The following SERPINI1 variants were observed in gnomAD, a reference collection of about 807,000 sequenced individuals.
SERPINI1 encodes the protein serpin family I member 1, also known as neuroserpin.
A neutral mutation model predicts 41.1 loss-of-function variants in SERPINI1; 19 were observed. That is an observed-to-expected ratio of 0.46 (90% CI 0.32 to 0.68). SERPINI1 has a LOEUF of 0.68. Among genes scored for constraint, SERPINI1 ranks in the 30% least tolerant of loss-of-function variants. SERPINI1 has a pLI of 0.03. For synonymous variants in SERPINI1, 138 were observed against 156.6 expected, an observed-to-expected ratio of 0.88 and a Z score of 0.89; for missense variants, 460 against 479.2, an observed-to-expected ratio of 0.96 and a Z score of 0.37.
At chr3:167,820,681 G>A (rs554409095) in intron 6 of SERPINI1, among the ~76,000 whole-genome samples, 1 of 152,168 alleles carries the variant, frequency 6.6e-6, no homozygotes, top group Non-Finnish European at 1.5e-5. Flanking sequence ...TGCAGGCGCC[G>A]CTCAGCACGG....
intron 1 of SERPINI1, among the ~76,000 whole-genome samples, chr3:167,740,740 A>G (rs1360868347): frequency 1.3e-5 from 2 of 152,290 alleles, no homozygotes; most frequent in East Asian, 3.9e-4. Flanking sequence ...GTGTGCGTGC[A>G]TGGGCGCATG....
At chr3:167,763,357 TTGTGTG>T (rs35578479) in intron 1 of SERPINI1, among the ~76,000 whole-genome samples, 2 of 147,638 alleles carry the variant, frequency 1.4e-5, no homozygotes, top group Non-Finnish European at 1.5e-5. Context: ...AACCACAGTT[TTGTGTG>T]TGTGTGTGTG....
chr3:167,806,488 T>TA (rs576427944), intron 5 of SERPINI1, among the ~76,000 whole-genome samples: 6 of 150,024 alleles, frequency 4.0e-5, no homozygotes, highest in East Asian at 3.9e-4. Context: ...GAACTTAAAG[T>TA]AAAAAAAAAA....
chr3:167,744,689 A>AAT (rs1217363215), intron 1 of SERPINI1, among the ~76,000 whole-genome samples: 3 of 80,442 alleles, frequency 3.7e-5, no homozygotes, highest in African/African-American at 1.8e-4. Flanking sequence ...TATATATATA[A>AAT]ACATATATAA....
intron 6 of SERPINI1, among the ~76,000 whole-genome samples, chr3:167,821,262 CAAG>C (rs1008763292): frequency 1.3e-5 from 2 of 152,094 alleles, no homozygotes; most frequent in African/African-American, 2.4e-5. Context: ...TTGTAGGCAG[CAAG>C]AAGGAGAGAA....
chr3:167,759,400 G>GTATA lies in SERPINI1; in HGVS notation c.-19+23595_-19+23598dup, dbSNP rs71753556. On this transcript the variant is annotated intron_variant, in intron 1 of 8. Transcript: ENST00000446050. ...ATCAACATTGGATAAAGAAAATGTGGTATATATATATATATATATATGCGC... is the reference window on the plus strand; with the variant it reads ...ATCAACATTGGATAAAGAAAATGTGGTATATATATATATATATATATATATGCGC... 5.2e-3 allele frequency among the ~76,000 whole-genome samples: 633 copies of GTATA among 121,114 alleles called. 39 individuals are homozygous for GTATA. The highest frequency in any genetic ancestry group is 0.012 in the African/African-American group (404 of 32,910). The allele number at this position is 121,114 out of a possible 152,430, so 79.5% of individuals were successfully genotyped here.
chr3:167,764,018 T>TTCA (rs1553772128), intron 1 of SERPINI1, among the ~76,000 whole-genome samples: 4 of 151,608 alleles, frequency 2.6e-5, no homozygotes, highest in African/African-American at 7.3e-5. Flanking sequence ...GATCTAAATC[T>TTCA]TAACTCACTC....
intron 3 of SERPINI1, among the ~76,000 whole-genome samples, chr3:167,791,468 C>G (rs1419857853): frequency 1.3e-5 from 2 of 151,962 alleles, no homozygotes; most frequent in East Asian, 3.9e-4. Flanking sequence ...AAATTTTTGT[C>G]ATATGTTTTT....
At chr3:167,783,366 G>A (rs1727204572) in intron 1 of SERPINI1, among the ~76,000 whole-genome samples, 1 of 152,176 alleles carries the variant, frequency 6.6e-6, no homozygotes, top group Non-Finnish European at 1.5e-5. Flanking sequence ...TGATTGATAA[G>A]ATAAGGAGTC....
intron 1 of SERPINI1, among the ~76,000 whole-genome samples, chr3:167,737,602 C>G (rs956152703): frequency 6.6e-6 from 1 of 152,102 alleles, no homozygotes; most frequent in East Asian, 1.9e-4. Context: ...ACTACTAATT[C>G]ATTTTGTAAA....
At chr3:167,761,601 A>G (rs1244261338) in intron 1 of SERPINI1, among the ~76,000 whole-genome samples, 22 of 152,184 alleles carry the variant, frequency 1.4e-4, no homozygotes, top group Non-Finnish European at 2.9e-5. Flanking sequence ...GATAGCTTTC[A>G]TTGCTTATAA....
At chr3:167,775,390 T>A (rs1560003743) in intron 1 of SERPINI1, among the ~76,000 whole-genome samples, 1 of 151,332 alleles carries the variant, frequency 6.6e-6, no homozygotes, top group African/African-American at 2.4e-5. Context: ...GCCTCCAGAG[T>A]AGCTGGGATT....
Position 167,769,787 on chromosome 3 carries a change from A to G in SERPINI1, c.-18-19324A>G, listed in dbSNP as rs545201137. Among the ~76,000 whole-genome samples the G allele has an allele frequency of 6.6e-5, 10 of 152,138 alleles. No individual in the cohort carries two copies. In the East Asian group the frequency reaches 1.2e-3, roughly 18 times the overall value. On this transcript the variant is annotated intron_variant, in intron 1 of 8. Transcript: ENST00000446050. ...TTAATAATTATTGAAAAGTTTGACC[A>G]TGTTTTTACCTGTTTAAAAGCCATT...
chr3:167,736,162 T>G (rs1439109723), intron 1 of SERPINI1: 1 of 152,142 alleles, frequency 6.6e-6, no homozygotes, highest in East Asian at 1.9e-4. Context: ...AAGCAAAAAT[T>G]TTGCTATTGA....
chr3:167,780,542 G>A (rs1413021391), intron 1 of SERPINI1, among the ~76,000 whole-genome samples: 1 of 152,166 alleles, frequency 6.6e-6, no homozygotes, highest in Non-Finnish European at 1.5e-5. Context: ...CCAACAGACA[G>A]TCCTTTTGAA....
At chr3:167,748,910 A>G (rs924064050) in intron 1 of SERPINI1, among the ~76,000 whole-genome samples, 2 of 152,008 alleles carry the variant, frequency 1.3e-5, no homozygotes, top group Non-Finnish European at 2.9e-5. Context: ...TGGGTTTGTT[A>G]CCACTAGTTT....
intron 1 of SERPINI1, among the ~76,000 whole-genome samples, chr3:167,747,919 G>GT (rs1290447463): frequency 2.0e-5 from 3 of 151,268 alleles, no homozygotes; most frequent in African/African-American, 7.3e-5. Context: ...CTTTGTTAAA[G>GT]TTTTTTTGTG....
chr3:167,801,081 G>T (rs138055437), intron 5 of SERPINI1, among the ~76,000 whole-genome samples: 1 of 152,214 alleles, frequency 6.6e-6, no homozygotes, highest in Non-Finnish European at 1.5e-5. Flanking sequence ...GCCTCCCAAA[G>T]TGCTGGGATT....
chr3:167,818,731 C>T (rs1254631851), intron 6 of SERPINI1, among the ~76,000 whole-genome samples: 2 of 152,016 alleles, frequency 1.3e-5, no homozygotes, highest in East Asian at 1.9e-4. Context: ...GGGGCAAGTG[C>T]GAACAGGCAA....
Sources: allele counts gnomAD v4.1 joint callset (sites outside exome capture counted in the v4.1 genomes callset), GRCh38; gene constraint gnomAD v4.1.1; transcripts MANE v1.5; gene names NCBI Gene and HGNC (gene_info 2026-07-23, HGNC 2026-07-21).